The following KATNA1 variants were observed in gnomAD, a reference collection of about 807,000 sequenced individuals.
The protein encoded by KATNA1 is katanin catalytic subunit A1.
Under a neutral mutation model 62.6 loss-of-function variants are expected in KATNA1, and 42 were observed. The ratio of observed to expected loss-of-function variants is 0.67; its 90% CI spans 0.52 to 0.87. The LOEUF is 0.87. Ranked by LOEUF, KATNA1 falls within the 40% of genes least tolerant of loss-of-function variation. The pLI, the probability that KATNA1 is intolerant of heterozygous loss-of-function variation, is 0.00. For missense variants in KATNA1, 498 were observed against 612.5 expected, an observed-to-expected ratio of 0.81 and a Z score of 1.97; for synonymous variants, 186 against 201.9, an observed-to-expected ratio of 0.92 and a Z score of 0.67.
chr6:149,639,270 G>C (rs1780193747), intron 1 of KATNA1, among the ~76,000 whole-genome samples: 1 of 152,070 alleles, frequency 6.6e-6, no homozygotes, highest in Non-Finnish European at 1.5e-5. Flanking sequence ...CTGTACTCCA[G>C]CCTGGGAGAT....
intron 7 of KATNA1, among the ~76,000 whole-genome samples, chr6:149,600,252 G>A (rs58189451): frequency 0.36 from 53,449 of 147,470 alleles, 11,086 homozygotes; most frequent in East Asian, 0.83. Context: ...CTGTAATCCC[G>A]GCACTTTATG....
At chr6:149,613,948 G>A (rs1282688758) in intron 4 of KATNA1, among the ~76,000 whole-genome samples, 1 of 152,196 alleles carries the variant, frequency 6.6e-6, no homozygotes, top group African/African-American at 2.4e-5. Context: ...CTTCAGCCAT[G>A]TGAGAACAAA....
At chr6:149,644,137 C>A (rs928109752) in intron 1 of KATNA1, among the ~76,000 whole-genome samples, 1 of 152,056 alleles carries the variant, frequency 6.6e-6, no homozygotes, top group Non-Finnish European at 1.5e-5. Flanking sequence ...GCCATCCATG[C>A]CCTACAGAGA....
At chr6:149,638,595 T>C in intron 1 of KATNA1, 35 bp from the exon 2 acceptor site, 1 of 1,427,708 alleles carries the variant, frequency 7.0e-7, no homozygotes, top group Non-Finnish European at 9.6e-7. Flanking sequence ...ACACTTTAGG[T>C]TTACATGTCT....
intron 1 of KATNA1, among the ~76,000 whole-genome samples, chr6:149,644,917 A>C (rs1398147115): frequency 1.3e-5 from 2 of 152,246 alleles, no homozygotes; most frequent in African/African-American, 4.8e-5. Context: ...CTTGCAGAAA[A>C]TAGTATTAAA....
chr6:149,603,441 C>T (rs1778625525), intron 5 of KATNA1, 68 bp from the exon 6 acceptor site: 2 of 706,864 alleles, frequency 2.8e-6, no homozygotes, highest in South Asian at 1.8e-5. Context: ...CTCTTGAGAA[C>T]CACTGGAAGC....
At chr6:149,627,605 C>A (rs929430703) in intron 3 of KATNA1, among the ~76,000 whole-genome samples, 2 of 150,728 alleles carry the variant, frequency 1.3e-5, no homozygotes, top group Admixed American at 6.6e-5. Flanking sequence ...ATTGCCTGGA[C>A]CCAGGAGGTG....
At chr6:149,617,182 G>C (rs1362247130) in intron 4 of KATNA1, among the ~76,000 whole-genome samples, 1 of 152,296 alleles carries the variant, frequency 6.6e-6, no homozygotes, top group East Asian at 1.9e-4. Flanking sequence ...TGACTTTAAT[G>C]GGTGTAGTGT....
At chr6:149,603,178 C>A in intron 6 of KATNA1, 90 bp downstream of exon 6, 1 of 593,392 alleles carries the variant, frequency 1.7e-6, no homozygotes, top group Middle Eastern at 2.7e-4. Flanking sequence ...CACTTTCTCC[C>A]TCCACTTTTC....
intron 1 of KATNA1, among the ~76,000 whole-genome samples, chr6:149,643,963 C>T (rs540126133): frequency 1.3e-5 from 2 of 152,148 alleles, no homozygotes; most frequent in East Asian, 3.9e-4. Context: ...GCTAGGATTA[C>T]AGGCGTGAGC....
intron 4 of KATNA1, among the ~76,000 whole-genome samples, chr6:149,613,334 C>G (rs918003127): frequency 6.6e-6 from 1 of 151,628 alleles, no homozygotes; most frequent in African/African-American, 2.4e-5. Flanking sequence ...TACTTTGTCA[C>G]TCTTAAATAT....
chr6:149,639,271 C>T, intron 1 of KATNA1, among the ~76,000 whole-genome samples: 1 of 151,932 alleles, frequency 6.6e-6, no homozygotes, highest in Non-Finnish European at 1.5e-5. Flanking sequence ...TGTACTCCAG[C>T]CTGGGAGATG....
chr6:149,597,236 T>G, intron 9 of KATNA1, 47 bp from the exon 10 acceptor site: 1 of 1,583,874 alleles, frequency 6.3e-7, no homozygotes, highest in Non-Finnish European at 8.6e-7. Flanking sequence ...AGCATAAACA[T>G]AGTATACTAT....
intron 4 of KATNA1, among the ~76,000 whole-genome samples, chr6:149,615,747 T>G (rs1779146892): frequency 6.6e-6 from 1 of 152,112 alleles, no homozygotes; most frequent in African/African-American, 2.4e-5. Flanking sequence ...TATAGTACAC[T>G]GTGAATATTT....
At chr6:149,638,700 A>T in intron 1 of KATNA1, 140 bp from the exon 2 acceptor site, 2 of 413,110 alleles carry the variant, frequency 4.8e-6, no homozygotes, top group East Asian at 3.9e-5. Context: ...ATGTGTGCTC[A>T]TGCTATTTCA....
chr6:149,605,925 C>A (rs1038587650), intron 4 of KATNA1, among the ~76,000 whole-genome samples: 1 of 152,016 alleles, frequency 6.6e-6, no homozygotes, highest in Non-Finnish European at 1.5e-5. Context: ...CCACCACGCC[C>A]GGCTAATTAT....
At chr6:149,633,919 TG>T (rs1452172010) in intron 2 of KATNA1, among the ~76,000 whole-genome samples, 41 of 151,714 alleles carry the variant, frequency 2.7e-4, no homozygotes, top group Non-Finnish European at 4.4e-5. Flanking sequence ...ATCACACCAT[TG>T]CACTCCAGCC....
chr6:149,639,068 G>A (rs1489172958), intron 1 of KATNA1, among the ~76,000 whole-genome samples: 1 of 151,968 alleles, frequency 6.6e-6, no homozygotes, highest in Non-Finnish European at 1.5e-5. Context: ...AGGAGGCTAA[G>A]GCAGGCAGCT....
At chr6:149,606,517 C>G (rs182160837) in intron 4 of KATNA1, among the ~76,000 whole-genome samples, 44 of 151,668 alleles carry the variant, frequency 2.9e-4, no homozygotes, top group African/African-American at 1.0e-3. Context: ...TTATGATATT[C>G]AAAATGTTAA....
Sources: gnomAD v4.1 joint callset for allele counts (sites outside exome capture counted in the v4.1 genomes callset) on GRCh38, gnomAD v4.1.1 for gene constraint, MANE v1.5 for transcripts, NCBI Gene and HGNC (gene_info 2026-07-23, HGNC 2026-07-21) for gene names.